LPAR1: variants seen among roughly 807,000 people sequenced by gnomAD.
The protein encoded by LPAR1 is LPA receptor 1.
LPAR1 carries 5 observed loss-of-function variants against 23.8 expected under a neutral mutation model. The ratio of observed to expected loss-of-function variants is 0.21; its 90% confidence interval spans 0.11 to 0.44. The LOEUF is 0.44. Ranked by LOEUF, LPAR1 falls within the 20% of genes least tolerant of loss-of-function variation. The probability of loss-of-function intolerance (pLI) is 0.99; values close to 1 mark genes in which losing one functional copy is unlikely to be tolerated. For missense variants in LPAR1, 311 were observed against 482.8 expected, an observed-to-expected ratio of 0.64 and a Z score of 3.33; for synonymous variants, 160 against 164.7, an observed-to-expected ratio of 0.97 and a Z score of 0.22.
intron 2 of LPAR1, among the ~76,000 whole-genome samples, chr9:111,025,881 C>T (rs2097681601): frequency 1.3e-5 from 2 of 152,054 alleles, no homozygotes; most frequent in African/African-American, 4.8e-5. Context: ...ATTTCTGAGG[C>T]CTCTGTTATG....
intron 2 of LPAR1, among the ~76,000 whole-genome samples, chr9:111,010,831 C>G (rs906416172): frequency 6.6e-6 from 1 of 152,162 alleles, no homozygotes; most frequent in African/African-American, 2.4e-5. Flanking sequence ...TCATGACTTC[C>G]CTTCTCCTTC....
intron 2 of LPAR1, among the ~76,000 whole-genome samples, chr9:111,019,553 G>C (rs1412846506): frequency 6.6e-6 from 1 of 152,032 alleles, no homozygotes; most frequent in Non-Finnish European, 1.5e-5. Flanking sequence ...ACCCAAATTA[G>C]TGGAATGTTG....
intron 5 of LPAR1, among the ~76,000 whole-genome samples, chr9:110,889,722 A>G (rs532965686): frequency 1.3e-5 from 2 of 152,362 alleles, no homozygotes; most frequent in South Asian, 4.1e-4. Context: ...TGTTTGCTGT[A>G]CAAATAGCAT....
rs184532238 is a variant in LPAR1, at chr9:110,926,403, C to T, written c.793+15018G>A. 8.3e-4 allele frequency among the ~76,000 whole-genome samples: 126 copies of T among 152,282 alleles called. 1 individual carries two copies. The highest frequency in any genetic ancestry group is 2.9e-3 in the African/African-American group (121 of 41,566). ...TTAGGTTAATGCAAAAATAAATATA[C>T]ATTGTTGCTCCATCCTCATTCTTGG... On this transcript the variant is annotated intron_variant, in intron 5 of 5. Coordinates refer to ENST00000683809, the MANE Select transcript of LPAR1 (RefSeq NM_001351411.2).
At chr9:110,896,840 T>A (rs1182305800) in intron 5 of LPAR1, among the ~76,000 whole-genome samples, 1 of 145,286 alleles carries the variant, frequency 6.9e-6, no homozygotes, top group African/African-American at 2.6e-5. Context: ...CAGGCTGGAG[T>A]GCAGTGGCGT....
At chr9:110,953,864 T>C (rs2095649710) in intron 4 of LPAR1, among the ~76,000 whole-genome samples, 1 of 152,076 alleles carries the variant, frequency 6.6e-6, no homozygotes, top group Admixed American at 6.5e-5. Flanking sequence ...ATATCAGATG[T>C]GCAAATTATC....
chr9:110,976,358 T>C (rs1201569064), intron 2 of LPAR1, among the ~76,000 whole-genome samples: 3 of 148,354 alleles, frequency 2.0e-5, no homozygotes, highest in Non-Finnish European at 4.5e-5. Context: ...AAAAAAAATT[T>C]AGCCAGGCGT....
intron 4 of LPAR1, among the ~76,000 whole-genome samples, chr9:110,967,090 T>C (rs1390397409): frequency 1.3e-5 from 2 of 152,198 alleles, no homozygotes; most frequent in Non-Finnish European, 2.9e-5. Flanking sequence ...TCCCAGGAGT[T>C]TCCTTTGGAT....
chr9:110,881,930 CCTCATTTACG>C (rs1361202239), intron 5 of LPAR1, among the ~76,000 whole-genome samples: 1 of 152,188 alleles, frequency 6.6e-6, no homozygotes, highest in Non-Finnish European at 1.5e-5. Flanking sequence ...TCCACTCGCT[CCTCATTTACG>C]AGGTTCCAGT....
At chr9:110,922,522 A>G (rs2093698898) in intron 5 of LPAR1, among the ~76,000 whole-genome samples, 2 of 152,186 alleles carry the variant, frequency 1.3e-5, no homozygotes, top group Non-Finnish European at 2.9e-5. Context: ...TTAGATAAAA[A>G]TGATAATTCT....
intron 5 of LPAR1, among the ~76,000 whole-genome samples, chr9:110,927,131 A>G (rs1021601247): frequency 6.6e-6 from 1 of 152,218 alleles, no homozygotes; most frequent in African/African-American, 2.4e-5. Context: ...GGTTAAGTGG[A>G]TTGCCCAAAG....
At chr9:110,955,603 T>C (rs1298750832) in intron 4 of LPAR1, among the ~76,000 whole-genome samples, 1 of 152,058 alleles carries the variant, frequency 6.6e-6, no homozygotes, top group East Asian at 1.9e-4. Flanking sequence ...CCAACTGCTA[T>C]AGAATATACA....
chr9:110,949,377 T>A (rs1333446077), intron 4 of LPAR1, among the ~76,000 whole-genome samples: 1 of 152,200 alleles, frequency 6.6e-6, no homozygotes. Flanking sequence ...CGGAACTGAC[T>A]GCATTCTCCC....
At chr9:111,005,546 CAAAAAAAAAAAA>C (rs60143050) in intron 2 of LPAR1, among the ~76,000 whole-genome samples, 964 of 70,370 alleles carry the variant, frequency 0.014, 14 homozygotes, top group African/African-American at 0.064. Flanking sequence ...GACCCTGTCT[CAAAAAAAAAAAA>C]AAAAAAAAAA....
intron 5 of LPAR1, among the ~76,000 whole-genome samples, chr9:110,937,682 C>A (rs1234958459): frequency 2.0e-5 from 3 of 152,178 alleles, no homozygotes; most frequent in Non-Finnish European, 4.4e-5. Flanking sequence ...TGCTTAAAAA[C>A]CAGCCATTGG....
chr9:110,894,018 A>G (rs1046638161), intron 5 of LPAR1, among the ~76,000 whole-genome samples: 2 of 152,232 alleles, frequency 1.3e-5, no homozygotes, highest in Admixed American at 1.3e-4. Context: ...AAATGCTTCA[A>G]TGGAAAGAAC....
chr9:110,920,687 A>C (rs540379275), intron 5 of LPAR1, among the ~76,000 whole-genome samples: 96 of 152,326 alleles, frequency 6.3e-4, no homozygotes, highest in African/African-American at 2.3e-3. Context: ...GCAAATACTT[A>C]ATTTCCTTCA....
At chr9:110,990,866 T>C (rs1263601954) in intron 2 of LPAR1, among the ~76,000 whole-genome samples, 1 of 152,084 alleles carries the variant, frequency 6.6e-6, no homozygotes, top group Non-Finnish European at 1.5e-5. Flanking sequence ...AAATGACTAA[T>C]AATAAAATTG....
rs1350606634 is a variant in LPAR1 at position 110,941,940 on chromosome 9, C to T, written c.274G>A (p.Ala92Thr). Reference protein sequence around the residue: ...FPIYYLMANLAAADFFAGLAY... With the variant: ...FPIYYLMANLTAADFFAGLAY... The stretch of plus-strand genomic sequence containing the variant: ...AACCCAGCAAAGAAGTCTGCAGCAG[C>T]CAGATTAGCCATTAGGTAATAAATA... The change falls in exon 5 of 6, where the codon GCT becomes ACT. Residue 92 changes from alanine (A) to threonine (T), a missense_variant. This residue lies in a region of LPAR1 where 250 missense variants were observed against 427.2 expected (regional missense o/e 0.59). Transcript: ENST00000683809. The surrounding 1 kb of genome is among the most constrained non-coding windows in gnomAD (Gnocchi z 6.1). 2 of 1,614,132 alleles carry T rather than the reference C, an allele frequency of 1.2e-6. No individual in the cohort carries two copies.
Sources: gnomAD v4.1 joint callset for allele counts (sites outside exome capture counted in the v4.1 genomes callset) on GRCh38, gnomAD v4.1.1 for gene constraint, gnomAD v4.1.1 regional missense constraint, Gnocchi (gnomAD v3.1) non-coding constraint, MANE v1.5 for transcripts, NCBI Gene and HGNC (gene_info 2026-07-23, HGNC 2026-07-21) for gene names.